Variants in MYB observed in about 807,000 individuals in gnomAD.
MYB encodes the protein transcriptional activator Myb.
In MYB, 28 loss-of-function variants were observed where a neutral mutation model predicts 92.9. That is an observed-to-expected ratio of 0.30 (90% CI 0.22 to 0.41). The LOEUF (loss-of-function observed/expected upper bound fraction) is 0.41. MYB is among the 10% of genes least tolerant of loss of function. The probability of loss-of-function intolerance (pLI) is 1.00; values close to 1 mark genes in which losing one functional copy is unlikely to be tolerated. For synonymous variants in MYB, 295 were observed against 329.1 expected (o/e 0.90, Z 1.12); for missense variants, 679 against 929.3 (o/e 0.73, Z 3.50).
rs773463113 is a variant in MYB, at chr6:135,189,844, G to A, written c.267G>A (p.Glu89=). 1 of 1,614,124 alleles carries A rather than the reference G, an allele frequency of 6.2e-7. No homozygotes were observed. Among genetic ancestry groups the A allele is most frequent in the Non-Finnish European group, 8.5e-7 (1 of 1,179,964 alleles). ...GATGGCAGAAAGTACTAAACCCTGAGCTCATCAAGGGTCCTTGGACCAAAG... is the reference window on the plus strand; with the variant it reads ...GATGGCAGAAAGTACTAAACCCTGAACTCATCAAGGGTCCTTGGACCAAAG... ...QHRWQKVLNP[E]LIKGPWTKEE... The change falls in exon 4 of 16, where the codon GAG becomes GAA. Residue 89 remains glutamate, a synonymous_variant. Transcript: ENST00000341911.
intron 7 of MYB, 95 bp from the exon 8 acceptor site, chr6:135,194,261 C>A: frequency 1.1e-6 from 1 of 898,954 alleles, no homozygotes; most frequent in Non-Finnish European, 1.7e-6. Flanking sequence ...GCTCTTTGGG[C>A]TGTGCGGCAC....
At chr6:135,203,601 A>G (rs1352425921) in intron 15 of MYB, 6 of 819,918 alleles carry the variant, frequency 7.3e-6, no homozygotes, top group African/African-American at 6.9e-5. Flanking sequence ...GACTGAGACT[A>G]AGATGTATTA....
chr6:135,206,418 C>T lies in MYB; in HGVS notation c.2169+3094C>T, dbSNP rs147692392. On this transcript the variant is annotated intron_variant, in intron 15 of 15. Transcript: ENST00000341911. The stretch of plus-strand genomic sequence containing the variant: ...TGTCTCTAAAAAAAATTTTTTAAGG[C>T]CAGCCGTGGTGGCTCACACCTGTAA... 3.9e-3 allele frequency among the ~76,000 whole-genome samples: 595 copies of T among 151,568 alleles called. 6 individuals carry two copies. Among genetic ancestry groups the T allele is most frequent in the African/African-American group, 0.012 (485 of 41,322 alleles).
At position 135,199,012 on chromosome 6, in the gene MYB, T is replaced by C; in HGVS notation, c.1671T>C (p.His557=). The change falls in exon 11 of 16, where the codon CAT becomes CAC. Residue 557 remains histidine, a synonymous_variant. Coordinates refer to ENST00000341911, the MANE Select transcript of MYB (RefSeq NM_001130173.2). ...AATTGACTGTTACAACACCATTTCA[T>C]AGAGACCAGACTGTGAAAACTCAAA... is the stretch of plus-strand genomic sequence containing the variant. ...GHKLTVTTPF[H]RDQTVKTQKE... 6.2e-7 allele frequency: 1 copy of C among 1,611,686 alleles called. No homozygotes were observed. Among genetic ancestry groups the C allele is most frequent in the Non-Finnish European group, 8.5e-7 (1 of 1,178,504 alleles).
intron 13 of MYB, 70 bp downstream of exon 13, chr6:135,200,485 A>T (rs774262554): frequency 6.2e-7 from 1 of 1,600,888 alleles, no homozygotes; most frequent in Non-Finnish European, 8.5e-7. Flanking sequence ...GTGCAGCTTG[A>T]TGTGTCTGCC....
chr6:135,213,568 C>T (rs1562400222), intron 15 of MYB, among the ~76,000 whole-genome samples: 1 of 152,128 alleles, frequency 6.6e-6, no homozygotes, highest in Non-Finnish European at 1.5e-5. Context: ...AACCTAAGGA[C>T]TATATTACAA....
chr6:135,194,655 T>C lies in MYB; in HGVS notation c.948+195T>C. The C allele has an allele frequency of 5.2e-6, 3 of 577,474 alleles. No individual in the cohort carries two copies. In the Admixed American group the frequency reaches 1.0e-4, roughly 20 times the overall value. 35.8% of individuals were successfully genotyped at this position (577,474 alleles called of 1,614,324 possible). Reference sequence around the variant, plus strand: ...CTGATTAAATTGGAAGCAGTCTTTTTGTAATTGCAATAAAAATGCAATATC... The same window carrying C: ...CTGATTAAATTGGAAGCAGTCTTTTCGTAATTGCAATAAAAATGCAATATC... On this transcript the variant is annotated intron_variant, in intron 8 of 15. Coordinates refer to ENST00000341911, the MANE Select transcript of MYB (RefSeq NM_001130173.2).
At chr6:135,193,965 T>TC (rs1776956161) in intron 7 of MYB, 47 bp downstream of exon 7, 3 of 1,429,914 alleles carry the variant, frequency 2.1e-6, no homozygotes, top group Admixed American at 1.7e-5. Context: ...TTTTAAGAAA[T>TC]GCTTATTTCT....
chr6:135,199,138 T>C (rs1777722815), intron 11 of MYB, 88 bp downstream of exon 11: 2 of 1,082,834 alleles, frequency 1.8e-6, no homozygotes, highest in Middle Eastern at 2.4e-4. Flanking sequence ...CTGATCCACT[T>C]GTATGTGCAT....
At chr6:135,191,914 C>T (rs923093177) in intron 5 of MYB, among the ~76,000 whole-genome samples, 3 of 152,186 alleles carry the variant, frequency 2.0e-5, no homozygotes, top group Non-Finnish European at 4.4e-5. Flanking sequence ...CAGACTTCAC[C>T]ATGTCCCTCT....
chr6:135,202,910 T>C (rs1778328231), intron 14 of MYB: 1 of 588,888 alleles, frequency 1.7e-6, no homozygotes, highest in South Asian at 1.5e-5. Flanking sequence ...GTAAATCTTC[T>C]ATTTTGAAAG....
At position 135,196,790 on chromosome 6, in the gene MYB, C is replaced by T. The variant is rs1040669155; in HGVS notation, c.1204-171C>T. On this transcript the variant is annotated intron_variant, in intron 9 of 15. Transcript: ENST00000341911. The stretch of plus-strand genomic sequence containing the variant: ...CCAGCCTTGAGGCAGCCCACTAGAC[C>T]CTGCTCTACTGCAGTATAATAGAGC... 12 of 1,553,758 alleles carry T rather than the reference C, an allele frequency of 7.7e-6. No individual in the cohort carries two copies. The East Asian group carries it at 2.6e-4, about 33-fold the overall frequency.
At chr6:135,198,015 ATAAT>A (rs1262773319) in intron 10 of MYB, among the ~76,000 whole-genome samples, 3 of 152,238 alleles carry the variant, frequency 2.0e-5, no homozygotes, top group East Asian at 1.9e-4. Flanking sequence ...AATTATTTAA[ATAAT>A]TAAATTAATA....
rs1775203038 is a variant in MYB, at chr6:135,182,455, C to T, written c.23+919C>T. Reference sequence around the variant, plus strand: ...CAGCCGTCGCAGTCGCCACTCGGCTCAAGGGGACAGAGGCCGGCAGCACCC... The same window carrying T: ...CAGCCGTCGCAGTCGCCACTCGGCTTAAGGGGACAGAGGCCGGCAGCACCC... On this transcript the variant is annotated intron_variant, in intron 1 of 15. Coordinates refer to ENST00000341911, the MANE Select transcript of MYB (RefSeq NM_001130173.2). This position sits in a 1 kb window ranked among gnomAD's most constrained non-coding sequence, Gnocchi z 5.6. Among the ~76,000 whole-genome samples, 1 of 152,172 alleles carries T rather than the reference C, an allele frequency of 6.6e-6. No homozygotes were observed. The highest frequency in any genetic ancestry group is 1.5e-5 in the Non-Finnish European group (1 of 68,020).
chr6:135,193,830 G>A lies in MYB; in HGVS notation c.763-8G>A. 6.2e-7 allele frequency: 1 copy of A among 1,603,390 alleles called. No individual in the cohort carries two copies. Among genetic ancestry groups the A allele is most frequent in the Non-Finnish European group, 8.5e-7 (1 of 1,170,590 alleles). Reference sequence around the variant, plus strand: ...TGACGTGGCCTTTGTTTTGTCTTTTGCATCTAGGTCTCCAGTCATGTTCCA... The same window carrying A: ...TGACGTGGCCTTTGTTTTGTCTTTTACATCTAGGTCTCCAGTCATGTTCCA... On this transcript the variant is annotated splice_polypyrimidine_tract_variant and splice_region_variant and intron_variant, in intron 6 of 15. Coordinates refer to ENST00000341911, the MANE Select transcript of MYB (RefSeq NM_001130173.2).
In MYB at chr6:135,190,787, AT is replaced by A. The variant is rs530702207; in HGVS notation, c.527+448del. On this transcript the variant is annotated intron_variant, in intron 5 of 15. Coordinates refer to ENST00000341911, the MANE Select transcript of MYB (RefSeq NM_001130173.2). This position sits in a 1 kb window ranked among gnomAD's most constrained non-coding sequence, Gnocchi z 4.5. ...CTGATAACCATCATTCATTTCTTTT[AT>A]TTTTTTTAATTATTATTTTTTAGAG... Among the ~76,000 whole-genome samples, 2 of 152,064 alleles carry A rather than the reference AT, an allele frequency of 1.3e-5. No homozygotes were observed. Among genetic ancestry groups the A allele is most frequent in the African/African-American group, 4.8e-5 (2 of 41,466 alleles).
chr6:135,203,441 AT>A, intron 15 of MYB, 117 bp downstream of exon 15: 2 of 797,708 alleles, frequency 2.5e-6, no homozygotes, highest in Non-Finnish European at 2.0e-6. Context: ...CGTTTTCAAC[AT>A]TTTAGACATA....
chr6:135,193,500 C>T (rs1240827601), intron 6 of MYB, among the ~76,000 whole-genome samples: 1 of 151,952 alleles, frequency 6.6e-6, no homozygotes, highest in Non-Finnish European at 1.5e-5. Flanking sequence ...ATCAATTTTT[C>T]CCATAGAAAC....
Position 135,186,241 on chromosome 6 carries a change from C to T in MYB, c.141+221C>T, listed in dbSNP as rs568714247. Among the ~76,000 whole-genome samples the T allele has an allele frequency of 1.9e-3, 295 of 152,296 alleles. 1 individual carries two copies. Among genetic ancestry groups the T allele is most frequent in the Middle Eastern group, 3.4e-3 (1 of 294 alleles). On this transcript the variant is annotated intron_variant, in intron 2 of 15. Coordinates refer to ENST00000341911, the MANE Select transcript of MYB (RefSeq NM_001130173.2). Reference sequence around the variant, plus strand: ...AATGTCCTCTTCTCATTTTAGGCTTCATCTGTGTTTCCTTTTGCCTGTTGA... The same window carrying T: ...AATGTCCTCTTCTCATTTTAGGCTTTATCTGTGTTTCCTTTTGCCTGTTGA...
Sources: gnomAD v4.1 joint callset for allele counts (sites outside exome capture counted in the v4.1 genomes callset) on GRCh38, gnomAD v4.1.1 for gene constraint, Gnocchi (gnomAD v3.1) non-coding constraint, MANE v1.5 for transcripts, NCBI Gene and HGNC (gene_info 2026-07-23, HGNC 2026-07-21) for gene names.